PDS5A: variants seen among roughly 807,000 people sequenced by gnomAD.
PDS5A encodes PDS5 cohesin associated factor A.
Under a neutral mutation model 167.1 loss-of-function variants are expected in PDS5A, and 42 were observed. The observed-to-expected ratio is 0.25, with a 90% CI of 0.20 to 0.33. PDS5A has a LOEUF of 0.33. PDS5A is among the 10% of genes least tolerant of loss of function. The pLI is 1.00. For synonymous variants in PDS5A, 553 were observed against 554.6 expected (o/e 1.00, Z 0.04); for missense variants, 1,033 against 1,605.9 (o/e 0.64, Z 6.10).
At chr4:39,843,423 TTTC>T (rs1274742329) in intron 30 of PDS5A, among the ~76,000 whole-genome samples, 1 of 152,186 alleles carries the variant, frequency 6.6e-6, no homozygotes, top group Non-Finnish European at 1.5e-5. Flanking sequence ...AGGGTTGAAT[TTTC>T]TTACGTATAA....
chr4:39,938,955 C>T (rs1335738794), intron 2 of PDS5A, among the ~76,000 whole-genome samples: 1 of 151,000 alleles, frequency 6.6e-6, no homozygotes, highest in African/African-American at 2.4e-5. Context: ...GGCAACACAG[C>T]GAGACTCCAT....
At chr4:39,898,191 TTTAG>T (rs1361438887) in intron 16 of PDS5A, 194 bp downstream of exon 16, 1 of 1,264,460 alleles carries the variant, frequency 7.9e-7, no homozygotes, top group Non-Finnish European at 1.0e-6. Flanking sequence ...GGCTTAGTTC[TTTAG>T]TTATTTTCCT....
At chr4:39,836,995 T>C in intron 32 of PDS5A, 1 of 143,170 alleles carries the variant, frequency 7.0e-6, no homozygotes, top group Non-Finnish European at 1.5e-5. Flanking sequence ...TTTCCTTTTT[T>C]TTTTTTTTTT....
intron 4 of PDS5A, 140 bp from the exon 5 acceptor site, chr4:39,926,073 T>TA (rs1725430142): frequency 3.1e-6 from 1 of 318,240 alleles, no homozygotes; most frequent in Admixed American, 4.9e-5. Context: ...TTTTAAGTGT[T>TA]AATCACATAT....
intron 2 of PDS5A, among the ~76,000 whole-genome samples, chr4:39,958,773 T>A (rs1729206034): frequency 6.6e-6 from 1 of 151,954 alleles, no homozygotes. Context: ...CACCCCTGAC[T>A]AATTTTTGTA....
chr4:39,855,793 G>A (rs529114944), intron 26 of PDS5A, among the ~76,000 whole-genome samples: 13 of 152,182 alleles, frequency 8.5e-5, no homozygotes, highest in African/African-American at 2.2e-4. Context: ...TACTCAGTCT[G>A]AACAGAAAGA....
chr4:39,829,192 G>A (rs1715588415), intron 32 of PDS5A, among the ~76,000 whole-genome samples: 1 of 152,210 alleles, frequency 6.6e-6, no homozygotes, highest in Non-Finnish European at 1.5e-5. Context: ...TCCTCACCAG[G>A]TCTCAGGAAA....
At chr4:39,850,010 T>C (rs1479243476) in intron 26 of PDS5A, among the ~76,000 whole-genome samples, 1 of 152,002 alleles carries the variant, frequency 6.6e-6, no homozygotes, top group African/African-American at 2.4e-5. Context: ...CGGTGGCTCA[T>C]GCCTGTAATC....
chr4:39,868,689 T>C (rs996158450), intron 22 of PDS5A: 1 of 454,328 alleles, frequency 2.2e-6, no homozygotes, highest in Admixed American at 2.3e-5. Flanking sequence ...CAGGTTGGTC[T>C]TGAACTCTTG....
chr4:39,898,382 T>C lies in PDS5A; in HGVS notation c.1770+7A>G, dbSNP rs371095912. On this transcript the variant is annotated splice_region_variant and intron_variant, in intron 16 of 32. Transcript: ENST00000303538. ...TAGAGAAAAAGTGTGAAGTATGATT[T>C]ACTAACCACACAAATATCTGCTTGT... The C allele has an allele frequency of 2.6e-5, 40 of 1,551,530 alleles. No individual in the cohort carries two copies. The East Asian group carries it at 6.5e-4, about 25-fold the overall frequency.
chr4:39,963,407 C>T (rs905889531), intron 2 of PDS5A, among the ~76,000 whole-genome samples: 16 of 151,778 alleles, frequency 1.1e-4, no homozygotes, highest in African/African-American at 3.9e-4. Context: ...TGCAGTAAGC[C>T]GAGATTGCAC....
chr4:39,868,193 C>T (rs1052008288), intron 22 of PDS5A, among the ~76,000 whole-genome samples: 17 of 152,332 alleles, frequency 1.1e-4, no homozygotes, highest in African/African-American at 4.1e-4. Flanking sequence ...TCTCTATCTG[C>T]TCTGTCACCC....
At chr4:39,849,431 G>C in intron 27 of PDS5A, 89 bp downstream of exon 27, 1 of 748,936 alleles carries the variant, frequency 1.3e-6, no homozygotes, top group South Asian at 2.1e-5. Flanking sequence ...AAATTACTAC[G>C]TATGGCCAAA....
intron 6 of PDS5A, among the ~76,000 whole-genome samples, chr4:39,920,955 T>C (rs902813813): frequency 2.0e-5 from 3 of 152,196 alleles, no homozygotes; most frequent in South Asian, 2.1e-4. Flanking sequence ...AGAAGGACCT[T>C]AGAAAATATA....
At position 39,890,329 on chromosome 4, in the gene PDS5A, T is replaced by C. The variant is rs749654958; in HGVS notation, c.1806A>G (p.Gln602=). 17 of 1,584,310 alleles carry C rather than the reference T, an allele frequency of 1.1e-5. No individual in the cohort carries two copies. The Middle Eastern group carries it at 5.0e-4, about 47-fold the overall frequency. The change falls in exon 17 of 33, where the codon CAA becomes CAG. Residue 602 remains glutamine, a synonymous_variant. Coordinates refer to ENST00000303538, the MANE Select transcript of PDS5A (RefSeq NM_001100399.2). ...CCATCTCTAGAAAAGGATTTGTTGG[T>C]TGCTTAGGATTTGCAAGTTTCCGGG... The part of the protein sequence containing the change: ...EIARKLANPK[Q]PTNPFLEMVK...
chr4:39,945,868 A>G (rs1158052038), intron 2 of PDS5A, among the ~76,000 whole-genome samples: 1 of 152,146 alleles, frequency 6.6e-6, no homozygotes, highest in Non-Finnish European at 1.5e-5. Context: ...AAAATAAAAC[A>G]CAGCAGTTTT....
At chr4:39,872,278 G>A (rs575701631) in intron 21 of PDS5A, among the ~76,000 whole-genome samples, 17 of 148,312 alleles carry the variant, frequency 1.1e-4, no homozygotes, top group Non-Finnish European at 2.1e-4. Flanking sequence ...CTGGGTTCAA[G>A]TGATTCTCCT....
chr4:39,866,425 A>T (rs2109555944), intron 23 of PDS5A, among the ~76,000 whole-genome samples: 1 of 152,118 alleles, frequency 6.6e-6, no homozygotes, highest in Admixed American at 6.5e-5. Flanking sequence ...CTGCCACTTA[A>T]ATTTTTATTA....
intron 2 of PDS5A, among the ~76,000 whole-genome samples, chr4:39,971,403 G>A (rs1033016702): frequency 4.0e-5 from 6 of 151,620 alleles, no homozygotes; most frequent in East Asian, 1.9e-4. Context: ...TGATCCACCC[G>A]CCTCGGCCTC....
Sources: allele counts gnomAD v4.1 joint callset (sites outside exome capture counted in the v4.1 genomes callset), GRCh38; gene constraint gnomAD v4.1.1; transcripts MANE v1.5; gene names NCBI Gene and HGNC (gene_info 2026-07-23, HGNC 2026-07-21).